NAV3: variants seen among roughly 807,000 people sequenced by gnomAD.
NAV3 encodes pore membrane and/or filament interacting like protein 1.
A neutral mutation model predicts 244.7 loss-of-function variants in NAV3; 87 were observed. The observed-to-expected ratio is 0.36, with a 90% confidence interval of 0.30 to 0.42. The LOEUF (loss-of-function observed/expected upper bound fraction) is 0.42. NAV3 is among the 20% of genes least tolerant of loss of function. NAV3 has a pLI of 1.00. For synonymous variants in NAV3, 1,126 were observed against 1,042.2 expected (o/e 1.08, Z -1.55); for missense variants, 2,663 against 2,893.3 (o/e 0.92, Z 1.83).
At chr12:77,615,395 G>A (rs145214306) in intron 2 of NAV3, among the ~76,000 whole-genome samples, 78 of 152,242 alleles carry the variant, frequency 5.1e-4, no homozygotes, top group Admixed American at 2.7e-3. Flanking sequence ...AGTGTTTACA[G>A]TGTCTATTGT....
At chr12:77,917,039 T>C (rs1238925275) in intron 1 of NAV3, among the ~76,000 whole-genome samples, 1 of 152,002 alleles carries the variant, frequency 6.6e-6, no homozygotes, top group Non-Finnish European at 1.5e-5. Flanking sequence ...CATAGCATTA[T>C]TATATAAAAA....
chr12:77,894,071 C>A (rs551840215), intron 1 of NAV3, among the ~76,000 whole-genome samples: 1 of 152,280 alleles, frequency 6.6e-6, no homozygotes, highest in African/African-American at 2.4e-5. Flanking sequence ...GTTTGATCTA[C>A]TGAATTCCAG....
At chr12:77,963,751 T>C (rs193174198) in intron 3 of NAV3, among the ~76,000 whole-genome samples, 47 of 152,182 alleles carry the variant, frequency 3.1e-4, no homozygotes, top group African/African-American at 1.0e-3. Context: ...ATAGTAAAAA[T>C]GGTTGAATGC....
At chr12:78,039,557 C>T (rs1880499414) in intron 9 of NAV3, among the ~76,000 whole-genome samples, 1 of 152,052 alleles carries the variant, frequency 6.6e-6, no homozygotes, top group Non-Finnish European at 1.5e-5. Flanking sequence ...AAGCTGTACT[C>T]TACATAACAT....
intron 17 of NAV3, among the ~76,000 whole-genome samples, chr12:78,127,886 A>C (rs1469308230): frequency 1.3e-5 from 2 of 152,180 alleles, no homozygotes; most frequent in Non-Finnish European, 2.9e-5. Context: ...ATCCATAATA[A>C]AAAATAAAAT....
rs1265072414 is a variant in NAV3 at position 77,689,155 on chromosome 12, T to C, written c.72+116889T>C. 2.0e-5 allele frequency among the ~76,000 whole-genome samples: 3 copies of C among 151,866 alleles called. No homozygotes were observed. In the East Asian group the frequency reaches 5.8e-4, roughly 29 times the overall value. On this transcript the variant is annotated intron_variant, in intron 2 of 8. Coordinates refer to the NAV3 transcript ENST00000550042. ...GCAGATATTTCCAAGCATTAACAAG[T>C]CTAAAAACATTTCCTGCTGAAATTG...
At chr12:77,831,904 C>G (rs1420868334) in intron 1 of NAV3, among the ~76,000 whole-genome samples, 200 bp downstream of exon 1, 1 of 152,066 alleles carries the variant, frequency 6.6e-6, no homozygotes, top group African/African-American at 2.4e-5. Flanking sequence ...AAGTCATGAT[C>G]AAAATTTTCT....
intron 2 of NAV3, among the ~76,000 whole-genome samples, chr12:77,717,284 TCTC>T (rs1434405101): frequency 6.6e-6 from 1 of 152,038 alleles, no homozygotes; most frequent in African/African-American, 2.4e-5. Context: ...TATTTTCCTC[TCTC>T]CTCAGCTGCT....
chr12:77,850,628 A>G (rs966998789), intron 1 of NAV3, among the ~76,000 whole-genome samples: 4 of 152,102 alleles, frequency 2.6e-5, no homozygotes, highest in Admixed American at 2.0e-4. Flanking sequence ...AGATTAGTAA[A>G]TTTCAAGGTC....
At chr12:77,613,787 T>C (rs953594220) in intron 2 of NAV3, among the ~76,000 whole-genome samples, 1 of 152,180 alleles carries the variant, frequency 6.6e-6, no homozygotes, top group Non-Finnish European at 1.5e-5. Context: ...TAACTTCCCT[T>C]TGGGGTTACC....
intron 1 of NAV3, among the ~76,000 whole-genome samples, chr12:77,843,099 A>G (rs142315672): frequency 1.3e-5 from 2 of 152,052 alleles, no homozygotes; most frequent in East Asian, 1.9e-4. Flanking sequence ...TGACTCATAT[A>G]TTATTTGGAT....
At chr12:77,830,002 G>A (rs958493175), upstream of NAV3, among the ~76,000 whole-genome samples, 1 of 152,164 alleles carries the variant, frequency 6.6e-6, no homozygotes, top group Non-Finnish European at 1.5e-5. Flanking sequence ...TATATTTGGT[G>A]TATATAATTG....
upstream of NAV3, among the ~76,000 whole-genome samples, chr12:77,829,976 C>A (rs924289039): frequency 6.6e-6 from 1 of 152,144 alleles, no homozygotes; most frequent in South Asian, 2.1e-4. Context: ...CCTTTGGTTG[C>A]ATTATTACTA....
At chr12:77,620,383 C>G (rs979655070) in intron 2 of NAV3, among the ~76,000 whole-genome samples, 2 of 152,104 alleles carry the variant, frequency 1.3e-5, no homozygotes, top group Non-Finnish European at 2.9e-5. Flanking sequence ...TGCAGTTATC[C>G]CAGTGGAATT....
intron 2 of NAV3, among the ~76,000 whole-genome samples, chr12:77,800,962 TA>T (rs1372855046): frequency 6.6e-6 from 1 of 152,140 alleles, no homozygotes; most frequent in African/African-American, 2.4e-5. Context: ...ATTAAAGAAG[TA>T]ATTAGGGAAA....
chr12:77,809,462 C>T (rs370645801), intron 2 of NAV3, among the ~76,000 whole-genome samples: 3 of 152,286 alleles, frequency 2.0e-5, no homozygotes, highest in African/African-American at 7.2e-5. Flanking sequence ...GGTGAGGTGA[C>T]GCCCCACCCA....
At chr12:77,709,297 G>A (rs926398499) in intron 2 of NAV3, among the ~76,000 whole-genome samples, 2 of 152,108 alleles carry the variant, frequency 1.3e-5, no homozygotes, top group African/African-American at 4.8e-5. Flanking sequence ...TTGATGGGAC[G>A]TATCTCAAAA....
At chr12:77,650,118 C>T (rs1415579288) in intron 2 of NAV3, among the ~76,000 whole-genome samples, 2 of 152,126 alleles carry the variant, frequency 1.3e-5, no homozygotes, top group East Asian at 1.9e-4. Context: ...TAAGTGCCTC[C>T]GAGGTGCCAG....
chr12:77,919,596 G>A (rs1341330711), intron 1 of NAV3, among the ~76,000 whole-genome samples: 1 of 152,024 alleles, frequency 6.6e-6, no homozygotes, highest in African/African-American at 2.4e-5. Context: ...TCCAAAGTCT[G>A]TAATTTAGCT....
Sources: allele counts gnomAD v4.1 joint callset (sites outside exome capture counted in the v4.1 genomes callset), GRCh38; gene constraint gnomAD v4.1.1; transcripts MANE v1.5; gene names NCBI Gene and HGNC (gene_info 2026-07-23, HGNC 2026-07-21).